The following ICA1L variants were observed in gnomAD, a reference collection of about 807,000 sequenced individuals.
ICA1L encodes islet cell autoantigen 1-like protein.
ICA1L carries 50 observed loss-of-function variants against 61.3 expected under a neutral mutation model. The observed-to-expected ratio is 0.82, with a 90% CI of 0.65 to 1.03. The LOEUF is 1.03. Among genes scored for constraint, ICA1L ranks in the 50% least tolerant of loss-of-function variants. The pLI is 0.00. For synonymous variants in ICA1L, 161 were observed against 191.3 expected, an observed-to-expected ratio of 0.84 and a Z score of 1.31; for missense variants, 508 against 556.7, an observed-to-expected ratio of 0.91 and a Z score of 0.88.
intron 1 of ICA1L, among the ~76,000 whole-genome samples, chr2:202,837,564 C>A (rs1359263492): frequency 6.6e-6 from 1 of 152,158 alleles, no homozygotes; most frequent in African/African-American, 2.4e-5. Context: ...AGCCACCGCA[C>A]CCGGCCTTCT....
At chr2:202,824,382 AGAGT>A (rs1693777866) in intron 3 of ICA1L, among the ~76,000 whole-genome samples, 1 of 152,078 alleles carries the variant, frequency 6.6e-6, no homozygotes, top group Admixed American at 6.5e-5. Flanking sequence ...CCTGGGCGAC[AGAGT>A]GAGACTCCAC....
At chr2:202,786,149 T>G in intron 11 of ICA1L, 142 bp from the exon 12 acceptor site, 1 of 514,540 alleles carries the variant, frequency 1.9e-6, no homozygotes, top group Non-Finnish European at 3.4e-6. Context: ...TACTGAAAAT[T>G]TATCTATAGT....
Position 202,842,544 on chromosome 2 carries a change from T to C in ICA1L, c.-7-13528A>G, listed in dbSNP as rs191463847. Among the ~76,000 whole-genome samples the C allele has an allele frequency of 5.8e-4, 88 of 152,350 alleles. 1 individual carries two copies. The highest frequency in any genetic ancestry group is 1.5e-3 in the South Asian group (7 of 4,824). ...TTCTAGCCTTATTGGAACTCCTTTG[T>C]ATGTGATTTGCTTTTCTCTTGCTAC... On this transcript the variant is annotated intron_variant, in intron 1 of 12. Transcript: ENST00000358299.
chr2:202,840,742 C>T (rs1694305339), intron 1 of ICA1L: 1 of 597,692 alleles, frequency 1.7e-6, no homozygotes, highest in South Asian at 1.5e-5. Context: ...CATTGGCATC[C>T]TTAACAGCCA....
intron 12 of ICA1L, among the ~76,000 whole-genome samples, chr2:202,782,892 T>G (rs1164381137): frequency 1.3e-5 from 2 of 152,186 alleles, no homozygotes; most frequent in East Asian, 1.9e-4. Context: ...ACAACTTGTT[T>G]TAGCTGGTTT....
intron 9 of ICA1L, among the ~76,000 whole-genome samples, chr2:202,811,230 T>C (rs1693367771): frequency 6.6e-6 from 1 of 152,174 alleles, no homozygotes; most frequent in African/African-American, 2.4e-5. Context: ...TTTCTCTCTT[T>C]TGTACTCTGT....
Position 202,862,272 on chromosome 2 carries a change from C to CAA in ICA1L, c.-8+9345_-8+9346dup, listed in dbSNP as rs778355110. Among the ~76,000 whole-genome samples, 132 of 62,866 alleles carry CAA rather than the reference C, an allele frequency of 2.1e-3. 5 individuals are homozygous for CAA. The highest frequency in any genetic ancestry group is 7.2e-3 in the African/African-American group (87 of 12,046). 41.2% of individuals were successfully genotyped at this position (62,866 alleles called of 152,430 possible). A position where few individuals can be genotyped will look rare whatever the true frequency, so the allele number is the denominator to read the frequency against. ...GCAACACAGTAAGACCTCATTTCTA[C>CAA]AAAAAAAAAAAAAAAAAAAAAAAAA... On this transcript the variant is annotated intron_variant, in intron 1 of 12. Transcript: ENST00000358299.
intron 1 of ICA1L, among the ~76,000 whole-genome samples, chr2:202,842,361 C>T (rs1007115645): frequency 3.9e-5 from 6 of 152,194 alleles, no homozygotes; most frequent in Non-Finnish European, 8.8e-5. Flanking sequence ...TGATGAACTA[C>T]CTCAGTTTTT....
chr2:202,806,229 G>A (rs1693222770), intron 9 of ICA1L, among the ~76,000 whole-genome samples: 1 of 152,116 alleles, frequency 6.6e-6, no homozygotes, highest in African/African-American at 2.4e-5. Flanking sequence ...GAGTAAAGGG[G>A]ACTTTGTCTT....
chr2:202,825,473 G>GAA, intron 3 of ICA1L: 1 of 1,238,564 alleles, frequency 8.1e-7, no homozygotes, highest in Non-Finnish European at 1.0e-6. Context: ...CTGTCTCAAA[G>GAA]AAAAAAAATA....
At chr2:202,809,674 G>C (rs55927603) in intron 9 of ICA1L, among the ~76,000 whole-genome samples, 1 of 151,826 alleles carries the variant, frequency 6.6e-6, no homozygotes, top group African/African-American at 2.4e-5. Flanking sequence ...TTAGCTGGGC[G>C]TGGTGGCAGA....
intron 1 of ICA1L, among the ~76,000 whole-genome samples, chr2:202,846,078 A>G (rs770616010): frequency 6.6e-6 from 1 of 152,172 alleles, no homozygotes; most frequent in Non-Finnish European, 1.5e-5. Context: ...AATGTCGGCA[A>G]TGGTTTTCTC....
chr2:202,870,831 G>A (rs947218732), intron 1 of ICA1L: 1 of 152,180 alleles, frequency 6.6e-6, no homozygotes, highest in African/African-American at 2.4e-5. Flanking sequence ...CCCCTCTACT[G>A]GCAACGCCCC....
At chr2:202,798,447 C>A (rs1284698055) in intron 9 of ICA1L, among the ~76,000 whole-genome samples, 3 of 152,066 alleles carry the variant, frequency 2.0e-5, no homozygotes, top group Non-Finnish European at 4.4e-5. Context: ...CACTATGTTA[C>A]CCAGGCAAGT....
chr2:202,865,470 A>G (rs776520013), intron 1 of ICA1L, among the ~76,000 whole-genome samples: 8 of 117,828 alleles, frequency 6.8e-5, no homozygotes, highest in Non-Finnish European at 1.0e-4. Context: ...CTCCATCCCG[A>G]AAAAAAAAAA....
intron 2 of ICA1L, among the ~76,000 whole-genome samples, chr2:202,826,637 A>G (rs1172101940): frequency 6.6e-6 from 1 of 152,002 alleles, no homozygotes; most frequent in Non-Finnish European, 1.5e-5. Flanking sequence ...GTGCCCAGCT[A>G]ATTTTTGTAT....
rs1390347752 is a variant in ICA1L at position 202,859,956 on chromosome 2, G to A, written c.-8+11663C>T. On this transcript the variant is annotated intron_variant, in intron 1 of 12. Transcript: ENST00000358299. ...TAGCCAAGACCCTGTAAAATTAAGG[G>A]AATTTTCTTAAATTTCTTTAATTCA... 7.2e-5 allele frequency among the ~76,000 whole-genome samples: 11 copies of A among 152,126 alleles called. No homozygotes were observed. In the East Asian group the frequency reaches 1.9e-3, roughly 27 times the overall value.
At position 202,779,472 on chromosome 2, in the gene ICA1L, C is replaced by G. The variant is rs148032636; in HGVS notation, c.*61G>C. On this transcript the variant is annotated 3_prime_UTR_variant, in exon 13 of 13. Coordinates refer to ENST00000358299, the MANE Select transcript of ICA1L (RefSeq NM_001288622.3). ...CGGGTTACAATCTAAATCCTTTCCA[C>G]GAAGGAAATACGTTGCAAAATTGAT... 1.2e-5 allele frequency: 12 copies of G among 1,005,244 alleles called. No individual in the cohort carries two copies. The highest frequency in any genetic ancestry group is 1.7e-5 in the Non-Finnish European group (11 of 653,484). The allele number at this position is 1,005,244 out of a possible 1,614,324, so 62.3% of individuals were successfully genotyped here.
intron 1 of ICA1L, among the ~76,000 whole-genome samples, chr2:202,866,327 C>T (rs1687511321): frequency 1.3e-5 from 2 of 152,210 alleles, no homozygotes; most frequent in Admixed American, 1.3e-4. Flanking sequence ...CCTGCTCCCA[C>T]TTCACCTTCC....
Sources: gnomAD v4.1 joint callset for allele counts (sites outside exome capture counted in the v4.1 genomes callset) on GRCh38, gnomAD v4.1.1 for gene constraint, MANE v1.5 for transcripts, NCBI Gene and HGNC (gene_info 2026-07-23, HGNC 2026-07-21) for gene names.